TRPC5: variants seen among roughly 807,000 people sequenced by gnomAD.
TRPC5 encodes short transient receptor potential channel 5.
A neutral mutation model predicts 56.5 loss-of-function variants in TRPC5; 9 were observed. The ratio of observed to expected loss-of-function variants is 0.16; its 90% CI spans 0.10 to 0.28. The LOEUF is 0.28. TRPC5 is among the 10% of genes least tolerant of loss of function. The pLI, the probability that TRPC5 is intolerant of heterozygous loss-of-function variation, is 1.00. For missense variants in TRPC5, 469 were observed against 748.9 expected (o/e 0.63, Z 4.36); for synonymous variants, 282 against 278.5 (o/e 1.01, Z -0.13).
At chrX:111,958,979 G>A (rs1927305929) in intron 1 of TRPC5, among the ~76,000 whole-genome samples, 1 of 112,279 alleles carries the variant, frequency 8.9e-6, no homozygotes, top group Admixed American at 9.5e-5. Context: ...CTAAAATGAA[G>A]GCAAAAGTAA....
At chrX:111,877,210 C>T (rs753841221) in intron 3 of TRPC5, among the ~76,000 whole-genome samples, 2 of 111,145 alleles carry the variant, frequency 1.8e-5, no homozygotes, top group Admixed American at 9.6e-5. Flanking sequence ...AAGGAAGTGA[C>T]GTTAAAGAAG....
intron 5 of TRPC5, among the ~76,000 whole-genome samples, chrX:111,848,256 T>C (rs1922987125): frequency 9.0e-6 from 1 of 111,493 alleles, no homozygotes; most frequent in South Asian, 3.8e-4. Flanking sequence ...GCCCCCGGCA[T>C]ATTAGGAGTA....
At chrX:112,018,652 C>T (rs193211063) in intron 1 of TRPC5, among the ~76,000 whole-genome samples, 35 of 112,171 alleles carry the variant, frequency 3.1e-4, no homozygotes, top group Non-Finnish European at 2.8e-4. Context: ...TTTTTTATTG[C>T]GGCATAAAAA....
At chrX:111,873,979 C>G (rs1024801605) in intron 3 of TRPC5, among the ~76,000 whole-genome samples, 2 of 111,616 alleles carry the variant, frequency 1.8e-5, no homozygotes, top group Admixed American at 1.9e-4. Context: ...ACTCCTACAC[C>G]TTTCTTGCCC....
intron 7 of TRPC5, among the ~76,000 whole-genome samples, chrX:111,828,643 T>G (rs1265270211): frequency 9.0e-6 from 1 of 111,057 alleles, no homozygotes; most frequent in Non-Finnish European, 1.9e-5. Context: ...AACTGGGCAA[T>G]GGGCAGAGGT....
chrX:111,944,303 T>TGTGTGTGAAAGA (rs1173179815), intron 2 of TRPC5, among the ~76,000 whole-genome samples: 37 of 61,362 alleles, frequency 6.0e-4, no homozygotes, highest in African/African-American at 3.5e-3. Context: ...TGTGTGTGTG[T>TGTGTGTGAAAGA]GAGAGAGAGA....
intron 3 of TRPC5, among the ~76,000 whole-genome samples, chrX:111,894,559 A>G (rs756960151): frequency 1.8e-5 from 2 of 111,441 alleles, no homozygotes; most frequent in Non-Finnish European, 3.8e-5. Context: ...TAGCACTGCC[A>G]TGAAGTAGAG....
intron 7 of TRPC5, among the ~76,000 whole-genome samples, chrX:111,815,909 G>T (rs1921848008): frequency 1.8e-5 from 2 of 111,266 alleles, no homozygotes; most frequent in South Asian, 7.6e-4. Context: ...ATTAGGCCAT[G>T]TAGCAAAATG....
chrX:111,982,091 C>G (rs1188451648), intron 1 of TRPC5, among the ~76,000 whole-genome samples: 1 of 111,850 alleles, frequency 8.9e-6, no homozygotes, highest in Non-Finnish European at 1.9e-5. Flanking sequence ...TTCCTCTTCA[C>G]CTTCTGCCAT....
At chrX:111,962,403 C>T (rs942654928) in intron 1 of TRPC5, among the ~76,000 whole-genome samples, 23 of 112,126 alleles carry the variant, frequency 2.1e-4, no homozygotes, top group African/African-American at 7.5e-4. Flanking sequence ...ATAGATGATA[C>T]TTCCATCTTG....
chrX:112,028,217 A>T (rs1424523274), intron 1 of TRPC5, among the ~76,000 whole-genome samples: 1 of 112,351 alleles, frequency 8.9e-6, no homozygotes, highest in Non-Finnish European at 1.9e-5. Context: ...GCCCAGAAAG[A>T]TGCTGTGCTA....
intron 1 of TRPC5, among the ~76,000 whole-genome samples, chrX:111,967,760 G>T (rs1334614097): frequency 1.8e-5 from 2 of 111,552 alleles, no homozygotes; most frequent in Non-Finnish European, 3.8e-5. Flanking sequence ...TGGGAAAACT[G>T]GCTAGCCATA....
chrX:111,813,196 C>A (rs756092271), intron 7 of TRPC5, among the ~76,000 whole-genome samples: 13 of 112,346 alleles, frequency 1.2e-4, no homozygotes, highest in Middle Eastern at 4.6e-3. Flanking sequence ...GTGGTCCTGC[C>A]TTTTCTCCAC....
chrX:111,817,108 G>A (rs1049263763), intron 7 of TRPC5, among the ~76,000 whole-genome samples: 1 of 110,452 alleles, frequency 9.1e-6, no homozygotes, highest in Non-Finnish European at 1.9e-5. Flanking sequence ...CATGGGATGG[G>A]ACTCTTTTTG....
intron 1 of TRPC5, among the ~76,000 whole-genome samples, chrX:112,048,290 A>G (rs1490239647): frequency 9.2e-6 from 1 of 108,741 alleles, no homozygotes; most frequent in East Asian, 3.0e-4. Flanking sequence ...AGTTCTAGCT[A>G]CTTGGGAGGC....
intron 1 of TRPC5, among the ~76,000 whole-genome samples, chrX:111,986,191 G>A (rs776624748): frequency 4.5e-5 from 5 of 110,803 alleles, no homozygotes; most frequent in African/African-American, 6.5e-5. Context: ...GAGGCCTTTT[G>A]GTCCTTCTTT....
chrX:111,809,545 G>A (rs1462842627), intron 7 of TRPC5, among the ~76,000 whole-genome samples: 2 of 112,152 alleles, frequency 1.8e-5, no homozygotes, highest in African/African-American at 6.5e-5. Context: ...GGTGCAGGAA[G>A]GATGGTGTCG....
At chrX:111,785,340 C>T (rs1366833072) in intron 7 of TRPC5, among the ~76,000 whole-genome samples, 9 of 112,090 alleles carry the variant, frequency 8.0e-5, no homozygotes, top group Non-Finnish European at 1.7e-4. Context: ...AGAAGGAAAA[C>T]TAACAAACAG....
chrX:111,858,957 C>T, intron 3 of TRPC5, among the ~76,000 whole-genome samples: 1 of 111,589 alleles, frequency 9.0e-6, no homozygotes, highest in Non-Finnish European at 1.9e-5. Context: ...ATTCCAGACC[C>T]TACAGTTATA....
Sources: gnomAD v4.1 joint callset for allele counts (sites outside exome capture counted in the v4.1 genomes callset) on GRCh38, gnomAD v4.1.1 for gene constraint, MANE v1.5 for transcripts, NCBI Gene and HGNC (gene_info 2026-07-23, HGNC 2026-07-21) for gene names.